Variants in GCC2 observed in about 807,000 individuals in gnomAD.
GCC2 encodes the protein GRIP and coiled-coil domain-containing protein 2.
GCC2 carries 120 observed loss-of-function variants against 210.6 expected under a neutral mutation model. That is an observed-to-expected ratio of 0.57 (90% CI 0.49 to 0.66). The LOEUF (loss-of-function observed/expected upper bound fraction) is 0.66, where lower values mean the gene tolerates loss of function less well. GCC2 is among the 30% of genes least tolerant of loss of function. The pLI is 0.00. For missense variants in GCC2, 1,868 were observed against 1,871.9 expected (o/e 1.00, Z 0.04); for synonymous variants, 703 against 652.7 (o/e 1.08, Z -1.17).
chr2:108,450,321 C>G (rs1034596846), intron 2 of GCC2, among the ~76,000 whole-genome samples: 1 of 152,204 alleles, frequency 6.6e-6, no homozygotes, highest in African/African-American at 2.4e-5. Context: ...TTACCCGGTT[C>G]ATCTTGCTGC....
At chr2:108,490,801 G>A (rs1464643247) in intron 18 of GCC2, among the ~76,000 whole-genome samples, 1 of 152,148 alleles carries the variant, frequency 6.6e-6, no homozygotes, top group Non-Finnish European at 1.5e-5. Flanking sequence ...AGTGATGTTT[G>A]CTTGATATTC....
At position 108,451,115 on chromosome 2, in the gene GCC2, ATTGG is replaced by A; in HGVS notation, c.148+4_148+7del. ...GAAAGCTAAATCAAGGTGTACAGGT[ATTGG>A]GTTGAAAATACTCATCTTGATCACA... On this transcript the variant is annotated splice_donor_5th_base_variant and intron_variant, in intron 3 of 22. Coordinates refer to ENST00000309863, the MANE Select transcript of GCC2 (RefSeq NM_181453.4). The A allele has an allele frequency of 6.4e-7, 1 of 1,574,212 alleles. No individual in the cohort carries two copies.
chr2:108,474,450 CAT>C (rs2104459489), intron 7 of GCC2, among the ~76,000 whole-genome samples: 1 of 152,222 alleles, frequency 6.6e-6, no homozygotes, highest in Non-Finnish European at 1.5e-5. Flanking sequence ...CGTTAAGCAA[CAT>C]AGAGGTCAGT....
In GCC2 at chr2:108,476,799, T is replaced by C. The variant is rs975177080; in HGVS notation, c.3060+949T>C. On this transcript the variant is annotated intron_variant, in intron 9 of 22. Transcript: ENST00000309863. ...GACTGAGTTCCTATCCTCTTAGGAC[T>C]TAAAAAAATCCCAATGGCAATAACA... 1.2e-4 allele frequency among the ~76,000 whole-genome samples: 18 copies of C among 152,240 alleles called. No individual in the cohort carries two copies. The South Asian group carries it at 2.1e-3, about 18-fold the overall frequency.
chr2:108,505,294 G>C (rs1171330350), intron 22 of GCC2, among the ~76,000 whole-genome samples: 1 of 152,192 alleles, frequency 6.6e-6, no homozygotes, highest in Admixed American at 6.5e-5. Flanking sequence ...TACCTCACTT[G>C]AAATACATAA....
chr2:108,497,932 C>T (rs1193131344), intron 21 of GCC2, among the ~76,000 whole-genome samples: 2 of 152,066 alleles, frequency 1.3e-5, no homozygotes, highest in Non-Finnish European at 2.9e-5. Context: ...CATGCTTTTC[C>T]CCTGTACTTT....
At chr2:108,455,555 A>G (rs914321013) in intron 4 of GCC2, among the ~76,000 whole-genome samples, 3 of 151,450 alleles carry the variant, frequency 2.0e-5, no homozygotes, top group Admixed American at 1.3e-4. Flanking sequence ...TACATGTGAA[A>G]TTTTGTTAAA....
Position 108,469,743 on chromosome 2 carries a change from G to A in GCC2, c.414G>A (p.Leu138=). The part of the protein sequence containing the change: ...VKEIENLKNE[L]MAVRSKYSED... ...AAATTGAAAATTTGAAAAATGAGTT[G>A]ATGGCAGTACGTTCCAAATACAGTG... The change falls in exon 6 of 23, where the codon TTG becomes TTA. Residue 138 remains leucine, a synonymous_variant. Transcript: ENST00000309863. 1 of 1,613,258 alleles carries A rather than the reference G, an allele frequency of 6.2e-7. No individual in the cohort carries two copies. The highest frequency in any genetic ancestry group is 8.5e-7 in the Non-Finnish European group (1 of 1,179,384).
chr2:108,469,437 G>A (rs985868595), intron 5 of GCC2: 4 of 475,040 alleles, frequency 8.4e-6, no homozygotes, highest in Non-Finnish European at 1.5e-5. Flanking sequence ...GGGCTAATTT[G>A]AGTAATAGAT....
At chr2:108,450,204 G>GAT (rs1346630943) in intron 2 of GCC2, among the ~76,000 whole-genome samples, 2 of 152,198 alleles carry the variant, frequency 1.3e-5, no homozygotes, top group Non-Finnish European at 2.9e-5. Flanking sequence ...ATAACCATGA[G>GAT]ATAGGTACTG....
chr2:108,487,729 G>C lies in GCC2; in HGVS notation c.3961G>C (p.Glu1321Gln). 7.4e-6 allele frequency: 12 copies of C among 1,613,144 alleles called. No homozygotes were observed. The highest frequency in any genetic ancestry group is 1.0e-5 in the Non-Finnish European group (12 of 1,179,444). Reference protein sequence around the residue: ...AEQATVTSEFESYKVRVHNVL... With the variant: ...AEQATVTSEFQSYKVRVHNVL... ...ACAAGCTACTGTAACCTCTGAATTC[G>C]AGAGCTACAAAGTCCGAGTTCATAA... Residue 1321 changes from glutamate to glutamine, a missense_variant, in exon 17 of 23, where the codon GAG becomes CAG. Glu to Gln is a conservative substitution (Grantham distance 29). Around this residue, in one of 3 missense-constraint regions of GCC2, gnomAD observed 1,847 missense variants for 1,765.2 expected, o/e 1.05. Transcript: ENST00000309863.
intron 4 of GCC2, among the ~76,000 whole-genome samples, chr2:108,453,268 C>G (rs1310577196): frequency 6.6e-6 from 1 of 152,246 alleles, no homozygotes; most frequent in African/African-American, 2.4e-5. Flanking sequence ...ACTTTAACTT[C>G]TCTGTTTCCT....
intron 4 of GCC2, among the ~76,000 whole-genome samples, chr2:108,457,276 T>C (rs1573346059): frequency 6.6e-6 from 1 of 152,306 alleles, no homozygotes; most frequent in Non-Finnish European, 1.5e-5. Flanking sequence ...CTTAATGGCA[T>C]TGTCGAAGAT....
chr2:108,461,999 ATT>A (rs527454034), intron 4 of GCC2, among the ~76,000 whole-genome samples: 1 of 133,814 alleles, frequency 7.5e-6, no homozygotes. Context: ...CCCCCAGCTA[ATT>A]TTTTTTTTTT....
At chr2:108,487,985 C>T (rs1003090711) in intron 17 of GCC2, among the ~76,000 whole-genome samples, 165 bp downstream of exon 17, 3 of 150,252 alleles carry the variant, frequency 2.0e-5, no homozygotes, top group African/African-American at 7.4e-5. Flanking sequence ...CAGCTCACTG[C>T]CACTTCGCTT....
intron 4 of GCC2, among the ~76,000 whole-genome samples, chr2:108,466,846 A>G (rs1680919287): frequency 6.6e-6 from 1 of 152,170 alleles, no homozygotes; most frequent in African/African-American, 2.4e-5. Flanking sequence ...TTATTTGTTT[A>G]TAATATGGTA....
At chr2:108,450,017 C>G (rs1377598052) in intron 2 of GCC2, 4 of 258,770 alleles carry the variant, frequency 1.5e-5, no homozygotes, top group Admixed American at 1.5e-4. Flanking sequence ...GGATTCTGAT[C>G]TGTGGGCTCC....
chr2:108,464,041 G>C (rs1680739512), intron 4 of GCC2, among the ~76,000 whole-genome samples: 1 of 152,112 alleles, frequency 6.6e-6, no homozygotes, highest in Admixed American at 6.5e-5. Context: ...AGGACAGGCT[G>C]TGTGCCCTTA....
chr2:108,470,307 A>G lies in GCC2; in HGVS notation c.978A>G (p.Val326=). Residue 326 remains valine (V), a synonymous_variant, in exon 6 of 23, where the codon GTA becomes GTG. Transcript: ENST00000309863. The part of the protein sequence containing the change: ...CSILLQENTF[V]EQVVNEKVKH... Reference sequence around the variant, plus strand: ...TTCTCTTGCAAGAAAATACATTTGTAGAACAAGTAGTAAATGAAAAAGTCA... The same window carrying G: ...TTCTCTTGCAAGAAAATACATTTGTGGAACAAGTAGTAAATGAAAAAGTCA... 6.2e-7 allele frequency: 1 copy of G among 1,612,784 alleles called. No individual in the cohort carries two copies. The highest frequency in any genetic ancestry group is 8.5e-7 in the Non-Finnish European group (1 of 1,179,440).
Sources: allele counts gnomAD v4.1 joint callset (sites outside exome capture counted in the v4.1 genomes callset), GRCh38; gene constraint gnomAD v4.1.1; regional missense constraint gnomAD v4.1.1; transcripts MANE v1.5; gene names NCBI Gene and HGNC (gene_info 2026-07-23, HGNC 2026-07-21).